Variants in KTN1 observed in about 807,000 individuals in gnomAD.
KTN1 encodes the protein kinectin.
Under a neutral mutation model 222.5 loss-of-function variants are expected in KTN1, and 130 were observed. That is an observed-to-expected ratio of 0.58 (90% CI 0.51 to 0.68). The LOEUF (loss-of-function observed/expected upper bound fraction) is 0.68. KTN1 is among the 30% of genes least tolerant of loss of function. The pLI is 0.00. For missense variants in KTN1, 1,508 were observed against 1,500.4 expected (o/e 1.01, Z -0.08); for synonymous variants, 512 against 496.3 (o/e 1.03, Z -0.42).
In KTN1 at chr14:55,636,476, T is replaced by G. The variant is rs1441021612; in HGVS notation, c.1489T>G (p.Trp497Gly). ...KVQLQEAERR[W>G]EEVQSYIRKR... The stretch of plus-strand genomic sequence containing the variant: ...TCAACTACAAGAAGCTGAGAGAAGG[T>G]GGGAAGAAGTTCAGAGCTACATCAG... The change falls in exon 10 of 44, where the codon TGG (tryptophan) becomes GGG (glycine). Residue 497 changes from tryptophan to glycine, a missense_variant. Trp to Gly is a radical substitution (Grantham distance 184). Transcript: ENST00000395314. 1 of 1,610,840 alleles carries G rather than the reference T, an allele frequency of 6.2e-7. No homozygotes were observed. The highest frequency in any genetic ancestry group is 8.5e-7 in the Non-Finnish European group (1 of 1,178,330).
chr14:55,585,425 T>C (rs934399885), intron 1 of KTN1, among the ~76,000 whole-genome samples: 1 of 152,212 alleles, frequency 6.6e-6, no homozygotes, highest in East Asian at 1.9e-4. Flanking sequence ...ACTTAAAATA[T>C]TTGATTTTAC....
At chr14:55,662,177 C>T (rs1367164964) in intron 32 of KTN1, among the ~76,000 whole-genome samples, 1 of 151,456 alleles carries the variant, frequency 6.6e-6, no homozygotes, top group Non-Finnish European at 1.5e-5. Flanking sequence ...GGCGATTCTC[C>T]TGCCTCACCC....
intron 41 of KTN1, among the ~76,000 whole-genome samples, chr14:55,677,611 G>A (rs986913815): frequency 6.6e-6 from 1 of 152,084 alleles, no homozygotes; most frequent in African/African-American, 2.4e-5. Flanking sequence ...AACTAGGGGT[G>A]GACAAATCCC....
At chr14:55,581,241 C>T (rs1193229760) in intron 1 of KTN1, among the ~76,000 whole-genome samples, 1 of 152,196 alleles carries the variant, frequency 6.6e-6, no homozygotes, top group African/African-American at 2.4e-5. Context: ...GTGGGCAGCC[C>T]CGGACGCGGG....
intron 33 of KTN1, 73 bp from the exon 34 acceptor site, chr14:55,667,168 A>G (rs2044867635): frequency 3.2e-6 from 3 of 925,508 alleles, no homozygotes; most frequent in Non-Finnish European, 5.0e-6. Flanking sequence ...AAAACACTAT[A>G]GTTTTTTTCT....
At position 55,641,764 on chromosome 14, in the gene KTN1, A is replaced by C; in HGVS notation, c.2172+4A>C. 1.3e-6 allele frequency: 2 copies of C among 1,534,108 alleles called. No individual in the cohort carries two copies. Among genetic ancestry groups the C allele is most frequent in the Non-Finnish European group, 1.8e-6 (2 of 1,109,058 alleles). ...ACAGACTCTTGTTTCTGAACAGGTA[A>C]GGCTTTTCCTAAATTACAAAGTAGA... On this transcript the variant is annotated splice_donor_region_variant and intron_variant, in intron 18 of 43. Transcript: ENST00000395314.
In KTN1 at chr14:55,667,434, T is replaced by G. The variant is rs1399037112; in HGVS notation, c.3267+104T>G. The G allele has an allele frequency of 5.2e-6, 3 of 571,932 alleles. No individual in the cohort carries two copies. The African/African-American group carries it at 5.9e-5, about 11-fold the overall frequency. The allele number at this position is 571,932 out of a possible 1,614,324, so 35.4% of individuals were successfully genotyped here. A position where few individuals can be genotyped will look rare whatever the true frequency, so the allele number is the denominator to read the frequency against. ...ACTTGGTTTCAGTAGAGTGCTGATT[T>G]CTTGATCTTTCCTATTGTTAAGCTG... is the stretch of plus-strand genomic sequence containing the variant. On this transcript the variant is annotated intron_variant, in intron 34 of 43. Transcript: ENST00000395314.
At chr14:55,656,337 T>C (rs1299428786) in intron 29 of KTN1, 3 of 484,690 alleles carry the variant, frequency 6.2e-6, no homozygotes, top group Non-Finnish European at 1.1e-5. Context: ...TTAAATACTC[T>C]GTTGAACTAT....
chr14:55,615,365 C>T (rs549297448), intron 2 of KTN1, among the ~76,000 whole-genome samples: 2 of 152,110 alleles, frequency 1.3e-5, no homozygotes, highest in South Asian at 4.1e-4. Context: ...GCCTGCCTCC[C>T]CCTTTTCCCC....
chr14:55,661,419 C>G (rs1044702710), intron 31 of KTN1, 103 bp from the exon 32 acceptor site: 3 of 657,768 alleles, frequency 4.6e-6, no homozygotes, highest in Non-Finnish European at 5.5e-6. Context: ...GGTGCTATCT[C>G]TTGATATTTT....
intron 43 of KTN1, 87 bp downstream of exon 43, chr14:55,679,772 C>T: frequency 1.5e-6 from 2 of 1,320,008 alleles, no homozygotes; most frequent in South Asian, 2.5e-5. Flanking sequence ...ACTCACTTCA[C>T]TAGAGGAAAT....
chr14:55,640,558 C>T (rs10135600), intron 15 of KTN1, 116 bp downstream of exon 15: 55,416 of 689,012 alleles, frequency 0.08, 2,490 homozygotes, highest in South Asian at 0.1. Flanking sequence ...AATGGTTTAT[C>T]ATCTTTGGCT....
At chr14:55,593,984 T>C (rs1231829010) in intron 1 of KTN1, among the ~76,000 whole-genome samples, 1 of 152,298 alleles carries the variant, frequency 6.6e-6, no homozygotes, top group East Asian at 1.9e-4. Context: ...CCTTCTTCCC[T>C]CTACTGCACT....
intron 18 of KTN1, among the ~76,000 whole-genome samples, chr14:55,646,761 C>A (rs2042407183): frequency 6.6e-6 from 1 of 151,894 alleles, no homozygotes; most frequent in Non-Finnish European, 1.5e-5. Flanking sequence ...CCATTTTACA[C>A]TGCTACTTTT....
chr14:55,605,580 T>C (rs568623041), intron 1 of KTN1, among the ~76,000 whole-genome samples: 1 of 152,264 alleles, frequency 6.6e-6, no homozygotes, highest in South Asian at 2.1e-4. Flanking sequence ...TGCAAGTAGT[T>C]TGGGCCCTAA....
At chr14:55,644,456 G>A (rs2042096021) in intron 18 of KTN1, 1 of 700,566 alleles carries the variant, frequency 1.4e-6, no homozygotes, top group African/African-American at 1.8e-5. Flanking sequence ...AAGTTAACCT[G>A]TTGATACCCT....
chr14:55,634,808 C>T, intron 9 of KTN1, 150 bp downstream of exon 9: 1 of 581,458 alleles, frequency 1.7e-6, no homozygotes, highest in Middle Eastern at 4.7e-4. Context: ...CTGGGGAGGC[C>T]TCAGGAAACT....
chr14:55,618,262 A>G, intron 4 of KTN1, 128 bp downstream of exon 4: 1 of 669,472 alleles, frequency 1.5e-6, no homozygotes, highest in Non-Finnish European at 2.3e-6. Flanking sequence ...GTGGTAGAAG[A>G]CTTATTGGTA....
intron 1 of KTN1, among the ~76,000 whole-genome samples, chr14:55,581,977 C>T (rs1478983419): frequency 1.3e-5 from 2 of 151,906 alleles, no homozygotes; most frequent in African/African-American, 4.8e-5. Context: ...TCCCTCCCAC[C>T]CCAACATTGA....
Sources: allele counts gnomAD v4.1 joint callset (sites outside exome capture counted in the v4.1 genomes callset), GRCh38; gene constraint gnomAD v4.1.1; transcripts MANE v1.5; gene names NCBI Gene and HGNC (gene_info 2026-07-23, HGNC 2026-07-21).